Variants in CACNA1G observed in about 807,000 individuals in gnomAD.
CACNA1G encodes the protein voltage-dependent T-type calcium channel subunit alpha-1G.
Under a neutral mutation model 219.4 loss-of-function variants are expected in CACNA1G, and 67 were observed. The observed-to-expected ratio is 0.31, with a 90% CI of 0.25 to 0.37. The LOEUF (loss-of-function observed/expected upper bound fraction) is 0.37, where lower values mean the gene tolerates loss of function less well. CACNA1G is among the 10% of genes least tolerant of loss of function. The pLI, the probability that CACNA1G is intolerant of heterozygous loss-of-function variation, is 1.00. For synonymous variants in CACNA1G, 1,296 were observed against 1,345.3 expected (o/e 0.96, Z 0.80); for missense variants, 2,380 against 3,231.4 (o/e 0.74, Z 6.39).
At chr17:50,601,297 G>A in intron 19 of CACNA1G, 123 bp downstream of exon 19, 1 of 1,225,032 alleles carries the variant, frequency 8.2e-7, no homozygotes, top group Non-Finnish European at 1.1e-6. Context: ...GAGGGGGCCA[G>A]GACTCTCCTT....
At position 50,570,197 on chromosome 17, in the gene CACNA1G, G is replaced by T. The variant is rs1598064636; in HGVS notation, c.586+394G>T. On this transcript the variant is annotated intron_variant, in intron 4 of 37. Transcript: ENST00000359106. Reference sequence around the variant, plus strand: ...CTCTCATGCAATCTGGTTCTTGCTGGTGAGACACGCTGGCCACGCTGAACG... The same window carrying T: ...CTCTCATGCAATCTGGTTCTTGCTGTTGAGACACGCTGGCCACGCTGAACG... Among the ~76,000 whole-genome samples the T allele has an allele frequency of 3.3e-5, 5 of 152,146 alleles. No homozygotes were observed. The South Asian group carries it at 1.0e-3, about 31-fold the overall frequency.
chr17:50,567,407 T>C (rs910003133), intron 1 of CACNA1G, among the ~76,000 whole-genome samples: 1 of 151,998 alleles, frequency 6.6e-6, no homozygotes, highest in Non-Finnish European at 1.5e-5. Flanking sequence ...GTTTGAGGGA[T>C]TCATGGGCTA....
intron 26 of CACNA1G, among the ~76,000 whole-genome samples, 182 bp from the exon 27 acceptor site, chr17:50,615,179 G>A (rs1567747581): frequency 6.6e-6 from 1 of 152,140 alleles, no homozygotes; most frequent in African/African-American, 2.4e-5. Context: ...CAGATGCTTG[G>A]AGGGGGACAC....
chr17:50,601,666 C>T (rs1421232888), intron 19 of CACNA1G, among the ~76,000 whole-genome samples: 1 of 152,178 alleles, frequency 6.6e-6, no homozygotes, highest in East Asian at 1.9e-4. Context: ...GTCAGTCCTT[C>T]TCAGAAGGAG....
chr17:50,569,422 C>G, intron 3 of CACNA1G, 124 bp downstream of exon 3: 1 of 1,053,622 alleles, frequency 9.5e-7, no homozygotes, highest in Non-Finnish European at 1.4e-6. Flanking sequence ...CCCTGGCTAT[C>G]TCCTGAGGGT....
chr17:50,593,685 C>T (rs895122516), intron 13 of CACNA1G, among the ~76,000 whole-genome samples: 18 of 152,376 alleles, frequency 1.2e-4, no homozygotes, highest in Non-Finnish European at 2.4e-4. Flanking sequence ...CCTCCCCAAC[C>T]TTCGCAGTAT....
Position 50,561,221 on chromosome 17 carries a change from G to T in CACNA1G, c.-239G>T, listed in dbSNP as rs2035501344. On this transcript the variant is annotated 5_prime_UTR_variant, in exon 1 of 38. Transcript: ENST00000359106. ...CCGGCTGGCCCGGGAAGCCCCAGGG[G>T]CGCAGGGGAAGCGGGACTCGCGCCG... The T allele has an allele frequency of 3.6e-6, 2 of 559,538 alleles. No homozygotes were observed. Among genetic ancestry groups the T allele is most frequent in the African/African-American group, 2.0e-5 (1 of 49,224 alleles). The allele number at this position is 559,538 out of a possible 1,614,324, so 34.7% of individuals were successfully genotyped here. A position where few individuals can be genotyped will look rare whatever the true frequency, so the allele number is the denominator to read the frequency against.
In CACNA1G at chr17:50,600,835, C is replaced by A. The variant is rs374829873; in HGVS notation, c.3791+9C>A. 1.2e-6 allele frequency: 2 copies of A among 1,610,242 alleles called. No homozygotes were observed. Among genetic ancestry groups the A allele is most frequent in the Non-Finnish European group, 1.7e-6 (2 of 1,176,672 alleles). ...TTCCCTCCTCAGTCCAGGTAAGTGACAGGGCAGGGGTCTGACCTGTGTCCC... is the reference window on the plus strand; with the variant it reads ...TTCCCTCCTCAGTCCAGGTAAGTGAAAGGGCAGGGGTCTGACCTGTGTCCC... On this transcript the variant is annotated intron_variant, in intron 18 of 37. Transcript: ENST00000359106. The surrounding 1 kb of genome is among the most constrained non-coding windows in gnomAD (Gnocchi z 4.1).
Position 50,561,256 on chromosome 17 carries a change from TC to T in CACNA1G, c.-201del. ...AGCGGGACTCGCGCCGGGCGGGGTT[TC>T]CCTGCGCCCCGGCGCCCCGCGGGCA... On this transcript the variant is annotated 5_prime_UTR_variant, in exon 1 of 38. Coordinates refer to ENST00000359106, the MANE Select transcript of CACNA1G (RefSeq NM_018896.5). The T allele has an allele frequency of 1.8e-6, 1 of 570,184 alleles. No individual in the cohort carries two copies. Among genetic ancestry groups the T allele is most frequent in the Non-Finnish European group, 3.0e-6 (1 of 333,242 alleles). 35.3% of individuals were successfully genotyped at this position (570,184 alleles called of 1,614,324 possible).
intron 9 of CACNA1G, among the ~76,000 whole-genome samples, chr17:50,580,751 G>A (rs1238888118): frequency 6.6e-6 from 1 of 152,200 alleles, no homozygotes; most frequent in African/African-American, 2.4e-5. Flanking sequence ...CATACCTGGT[G>A]CTGAGGGCCC....
Position 50,619,779 on chromosome 17 carries a change from C to G in CACNA1G, c.5878C>G (p.Pro1960Ala). 1 of 1,607,214 alleles carries G rather than the reference C, an allele frequency of 6.2e-7. No homozygotes were observed. The highest frequency in any genetic ancestry group is 8.5e-7 in the Non-Finnish European group (1 of 1,178,322). ...MDELAGPGGQ[P>A]SAFPSAPSLG... The stretch of plus-strand genomic sequence containing the variant: ...CGAGCTGGCAGGCCCAGGGGGCCAG[C>G]CCTCTGCCTTCCCTTCTGCCCCCAG... The change falls in exon 34 of 38, where the codon CCC (proline) becomes GCC (alanine). Residue 1960 changes from proline to alanine, a missense_variant. By Grantham distance (27) the Pro-to-Ala change is conservative. This residue lies in a region of CACNA1G where 672 missense variants were observed against 670.5 expected (regional missense o/e 1.00). Transcript: ENST00000359106.
In CACNA1G at chr17:50,609,959, C is replaced by T. The variant is rs140294744; in HGVS notation, c.4759+24C>T. 1.6e-3 allele frequency: 2,523 copies of T among 1,603,690 alleles called. 3 individuals are homozygous for T. The highest frequency in any genetic ancestry group is 2.0e-3 in the Non-Finnish European group (2,308 of 1,175,726). On this transcript the variant is annotated intron_variant, in intron 26 of 37. Coordinates refer to ENST00000359106, the MANE Select transcript of CACNA1G (RefSeq NM_018896.5). ...AGGTACTGCGTCTGGGGTGTGGGCT[C>T]ATGCGTGTGGGGACATGCTCTTCAC...
At chr17:50,588,962 G>A (rs142726917) in intron 9 of CACNA1G, among the ~76,000 whole-genome samples, 2 of 152,258 alleles carry the variant, frequency 1.3e-5, no homozygotes, top group Admixed American at 1.3e-4. Flanking sequence ...CTGGCTGCAG[G>A]CTTGGTTGGG....
In CACNA1G at chr17:50,624,046, G is replaced by C. The variant is rs548433941; in HGVS notation, c.6200G>C (p.Arg2067Thr). The part of the protein sequence containing the change: ...GSTAEGPLGH[R>T]GWGLPKAQSG... ...ACTGCCGAGGGGCCCCTGGGACACA[G>C]GGGCTGGGGGCTCCCCAAAGCTCAG... Residue 2067 changes from arginine to threonine, a missense_variant, in exon 36 of 38, where the codon AGG becomes ACG. Transcript: ENST00000359106. 6.8e-6 allele frequency: 11 copies of C among 1,612,648 alleles called. No individual in the cohort carries two copies. Among genetic ancestry groups the C allele is most frequent in the Middle Eastern group, 3.3e-4 (2 of 6,076 alleles).
rs760957333 is a variant in CACNA1G at position 50,606,931 on chromosome 17, A to G, written c.4454A>G (p.Lys1485Arg). 4 of 1,613,814 alleles carry G rather than the reference A, an allele frequency of 2.5e-6. No individual in the cohort carries two copies. The highest frequency in any genetic ancestry group is 8.5e-7 in the Non-Finnish European group (1 of 1,179,832). ...ALMSLFVLAS[K>R]DGWVDIMYDG... ...ATGTCCCTGTTCGTTTTGGCCTCCA[A>G]GGATGGTTGGGTGGACATCATGTAC... The change falls in exon 24 of 38, where the codon AAG becomes AGG. Residue 1485 changes from lysine (K) to arginine (R), a missense_variant. This residue lies in a region of CACNA1G where 153 missense variants were observed against 374.9 expected (regional missense o/e 0.41). Transcript: ENST00000359106.
In CACNA1G at chr17:50,571,838, G is replaced by A. The variant is rs369796554; in HGVS notation, c.587-40G>A. The A allele has an allele frequency of 7.5e-6, 12 of 1,607,758 alleles. No homozygotes were observed. Among genetic ancestry groups the A allele is most frequent in the Admixed American group, 1.7e-5 (1 of 59,982 alleles). ...CGGGCCGTGGCAGTCAGCCTAGCCC[G>A]GCCAGCCTGGTGTCCCCAGCGTGGC... On this transcript the variant is annotated intron_variant, in intron 4 of 37. Transcript: ENST00000359106. This position sits in a 1 kb window ranked among gnomAD's most constrained non-coding sequence, Gnocchi z 4.3.
chr17:50,603,320 G>A lies in CACNA1G; in HGVS notation c.4169+121G>A. ...CTGCACAGGCCAGCATCCTGTCTGTGACCCCCACAGGCGATCCTGTCCCCG... is the reference window on the plus strand; with the variant it reads ...CTGCACAGGCCAGCATCCTGTCTGTAACCCCCACAGGCGATCCTGTCCCCG... On this transcript the variant is annotated intron_variant, in intron 21 of 37. Coordinates refer to ENST00000359106, the MANE Select transcript of CACNA1G (RefSeq NM_018896.5). This position sits in a 1 kb window ranked among gnomAD's most constrained non-coding sequence, Gnocchi z 6.4. The A allele has an allele frequency of 1.2e-6, 1 of 839,322 alleles. No individual in the cohort carries two copies. The highest frequency in any genetic ancestry group is 1.8e-6 in the Non-Finnish European group (1 of 541,744). 52.0% of individuals were successfully genotyped at this position (839,322 alleles called of 1,614,324 possible).
At chr17:50,593,468 C>T (rs1214667191) in intron 13 of CACNA1G, among the ~76,000 whole-genome samples, 5 of 152,264 alleles carry the variant, frequency 3.3e-5, no homozygotes, top group African/African-American at 1.2e-4. Context: ...GTGCCCAGCA[C>T]AGATGGCCCC....
chr17:50,593,328 T>G (rs1297535523), intron 13 of CACNA1G, among the ~76,000 whole-genome samples: 1 of 152,340 alleles, frequency 6.6e-6, no homozygotes, highest in Non-Finnish European at 1.5e-5. Flanking sequence ...TGGCCCCTTC[T>G]GAAGGCAGCT....
Sources: allele counts gnomAD v4.1 joint callset (sites outside exome capture counted in the v4.1 genomes callset), GRCh38; gene constraint gnomAD v4.1.1; regional missense constraint gnomAD v4.1.1; non-coding constraint Gnocchi (gnomAD v3.1); transcripts MANE v1.5; gene names NCBI Gene and HGNC (gene_info 2026-07-23, HGNC 2026-07-21).